The following CDYL2 variants were observed in gnomAD, a reference collection of about 807,000 sequenced individuals.
CDYL2 encodes the protein chromodomain Y-like protein 2.
In CDYL2, 23 loss-of-function variants were observed where a neutral mutation model predicts 49.4. The ratio of observed to expected loss-of-function variants is 0.47; its 90% confidence interval spans 0.34 to 0.66. The LOEUF is 0.66. CDYL2 is among the 30% of genes least tolerant of loss of function. CDYL2 has a pLI of 0.01. For missense variants in CDYL2, 678 were observed against 656.4 expected, an observed-to-expected ratio of 1.03 and a Z score of -0.36; for synonymous variants, 360 against 268.8, an observed-to-expected ratio of 1.34 and a Z score of -3.32.
At chr16:80,688,534 C>T (rs1171697215) in intron 1 of CDYL2, among the ~76,000 whole-genome samples, 3 of 152,184 alleles carry the variant, frequency 2.0e-5, no homozygotes, top group Admixed American at 1.3e-4. Flanking sequence ...CATTGTTTCA[C>T]CCCCAATTTA....
rs925889467 is a variant in CDYL2 at position 80,679,049 on chromosome 16, G to A, written c.616+5489C>T. Among the ~76,000 whole-genome samples, 7 of 145,964 alleles carry A rather than the reference G, an allele frequency of 4.8e-5. No homozygotes were observed. In the Admixed American group the frequency reaches 4.9e-4, roughly 10 times the overall value. On this transcript the variant is annotated intron_variant, in intron 2 of 6. Transcript: ENST00000570137. ...ACACTGCATATTCTCACTCATAGGT[G>A]GGAACTGAACAATGAGAACACATGG...
intron 1 of CDYL2, among the ~76,000 whole-genome samples, chr16:80,755,503 G>A (rs12444809): frequency 0.029 from 4,381 of 152,258 alleles, 86 homozygotes; most frequent in Middle Eastern, 0.065. Context: ...GGTTCACAGG[G>A]CCAATAAAGA....
At chr16:80,613,828 A>T (rs1906708950) in intron 4 of CDYL2, among the ~76,000 whole-genome samples, 1 of 152,212 alleles carries the variant, frequency 6.6e-6, no homozygotes. Context: ...AAACTATAAG[A>T]ACTCACAAGA....
At chr16:80,747,094 G>C (rs74247501) in intron 1 of CDYL2, among the ~76,000 whole-genome samples, 1 of 151,974 alleles carries the variant, frequency 6.6e-6, no homozygotes, top group African/African-American at 2.4e-5. Context: ...GTTTTCTTAC[G>C]GCATAGAAAT....
chr16:80,663,744 C>G (rs1909145449), intron 2 of CDYL2, among the ~76,000 whole-genome samples: 2 of 152,136 alleles, frequency 1.3e-5, no homozygotes, highest in African/African-American at 2.4e-5. Context: ...AGGCACCCAC[C>G]ACCACACCCA....
At chr16:80,729,465 C>G (rs1905260296) in intron 1 of CDYL2, among the ~76,000 whole-genome samples, 1 of 152,064 alleles carries the variant, frequency 6.6e-6, no homozygotes, top group Non-Finnish European at 1.5e-5. Flanking sequence ...TCCTGAGTGA[C>G]CTACAAAGAG....
At position 80,707,621 on chromosome 16, in the gene CDYL2, C is replaced by T. The variant is rs116162407; in HGVS notation, c.25-22492G>A. 2.6e-3 allele frequency among the ~76,000 whole-genome samples: 400 copies of T among 152,264 alleles called. 3 individuals are homozygous for T. The highest frequency in any genetic ancestry group is 9.3e-3 in the African/African-American group (388 of 41,552). ...AGAACATGCAGCTTCTTTGGGTTGGCATCACCAAACTCCAGATGCTTTGGT... is the reference window on the plus strand; with the variant it reads ...AGAACATGCAGCTTCTTTGGGTTGGTATCACCAAACTCCAGATGCTTTGGT... On this transcript the variant is annotated intron_variant, in intron 1 of 6. Coordinates refer to ENST00000570137, the MANE Select transcript of CDYL2 (RefSeq NM_152342.4).
chr16:80,598,431 C>G lies in CDYL2; in HGVS notation c.*5957G>C, dbSNP rs866591668. 2.2e-4 allele frequency: 33 copies of G among 152,196 alleles called. No homozygotes were observed. The highest frequency in any genetic ancestry group is 7.5e-4 in the African/African-American group (31 of 41,534). The allele number at this position is 152,196 out of a possible 1,614,324, so 9.4% of individuals were successfully genotyped here. On this transcript the variant is annotated 3_prime_UTR_variant, in exon 7 of 7. Coordinates refer to ENST00000570137, the MANE Select transcript of CDYL2 (RefSeq NM_152342.4). ...ATCATTTCTCAACTGGTCAATGGAT[C>G]AATGATTCCATCATGAATGAGAATG... is the stretch of plus-strand genomic sequence containing the variant.
intron 2 of CDYL2, among the ~76,000 whole-genome samples, chr16:80,668,353 G>C (rs769709564): frequency 6.6e-6 from 1 of 152,144 alleles, no homozygotes; most frequent in Non-Finnish European, 1.5e-5. Context: ...ACAGATGACA[G>C]ACAGATATAT....
intron 2 of CDYL2, among the ~76,000 whole-genome samples, chr16:80,646,143 A>T (rs866507808): frequency 1.7e-4 from 26 of 151,204 alleles, no homozygotes; most frequent in South Asian, 1.5e-3. Context: ...AAGTATAATT[A>T]AAAAAAAACA....
intron 2 of CDYL2, among the ~76,000 whole-genome samples, chr16:80,665,536 C>T (rs1294445249): frequency 7.2e-6 from 1 of 138,290 alleles, no homozygotes; most frequent in Non-Finnish European, 1.5e-5. Flanking sequence ...ATAGCAAAAA[C>T]CGCAATTACT....
intron 1 of CDYL2, among the ~76,000 whole-genome samples, chr16:80,775,948 A>T (rs546227910): frequency 2.0e-5 from 3 of 151,872 alleles, no homozygotes; most frequent in African/African-American, 7.2e-5. Flanking sequence ...TTGGTCATAC[A>T]TTATTAGGTC....
intron 4 of CDYL2, among the ~76,000 whole-genome samples, chr16:80,617,563 C>A (rs1380770418): frequency 6.6e-6 from 1 of 152,202 alleles, no homozygotes; most frequent in African/African-American, 2.4e-5. Flanking sequence ...GTGTCCCCAA[C>A]TCCAGAGTGT....
intron 2 of CDYL2, among the ~76,000 whole-genome samples, chr16:80,653,123 C>T (rs1001378579): frequency 3.3e-5 from 5 of 152,154 alleles, no homozygotes; most frequent in Non-Finnish European, 7.4e-5. Context: ...TATATAGAAA[C>T]TTGCTGTATT....
rs545596921 is a variant in CDYL2, at chr16:80,758,834, G to A, written c.24+45316C>T. Among the ~76,000 whole-genome samples, 349 of 151,380 alleles carry A rather than the reference G, an allele frequency of 2.3e-3. 1 individual carries two copies. The highest frequency in any genetic ancestry group is 3.1e-3 in the Non-Finnish European group (208 of 67,836). ...CGGGATTACAGGCGTGAGCCACCAC[G>A]CCCGGCCTGCTGCAGCACTTCTAAT... On this transcript the variant is annotated intron_variant, in intron 1 of 6. Coordinates refer to ENST00000570137, the MANE Select transcript of CDYL2 (RefSeq NM_152342.4).
chr16:80,762,135 A>G (rs1323108609), intron 1 of CDYL2, among the ~76,000 whole-genome samples: 1 of 152,156 alleles, frequency 6.6e-6, no homozygotes, highest in East Asian at 1.9e-4. Flanking sequence ...GCAGTGGGCC[A>G]AGATCATGCC....
chr16:80,804,007 C>T, intron 1 of CDYL2, 143 bp downstream of exon 1: 1 of 381,308 alleles, frequency 2.6e-6, no homozygotes, highest in Non-Finnish European at 3.5e-6. Flanking sequence ...CCCCGCCACC[C>T]TCCGGCCGCC....
At chr16:80,702,343 T>C (rs1283082004) in intron 1 of CDYL2, among the ~76,000 whole-genome samples, 1 of 152,054 alleles carries the variant, frequency 6.6e-6, no homozygotes, top group Non-Finnish European at 1.5e-5. Flanking sequence ...TGTATCCCAT[T>C]TTTTAGAAGA....
At chr16:80,721,403 G>C (rs532708476) in intron 1 of CDYL2, among the ~76,000 whole-genome samples, 4 of 152,142 alleles carry the variant, frequency 2.6e-5, no homozygotes, top group South Asian at 2.1e-4. Flanking sequence ...TGATTCACAA[G>C]CTTCTTTTCC....
Sources: gnomAD v4.1 joint callset for allele counts (sites outside exome capture counted in the v4.1 genomes callset) on GRCh38, gnomAD v4.1.1 for gene constraint, MANE v1.5 for transcripts, NCBI Gene and HGNC (gene_info 2026-07-23, HGNC 2026-07-21) for gene names.